Variants in TSNARE1 observed in about 807,000 individuals in gnomAD.
TSNARE1 encodes t-SNARE domain containing 1.
A neutral mutation model predicts 62.0 loss-of-function variants in TSNARE1; 49 were observed. The ratio of observed to expected loss-of-function variants is 0.79; its 90% CI spans 0.63 to 1.00. The LOEUF (loss-of-function observed/expected upper bound fraction) is 1.00, where lower values mean the gene tolerates loss of function less well. Ranked by LOEUF, TSNARE1 falls within the 50% of genes least tolerant of loss-of-function variation. TSNARE1 has a pLI of 0.00. For synonymous variants in TSNARE1, 328 were observed against 294.4 expected (o/e 1.11, Z -1.17); for missense variants, 755 against 700.1 (o/e 1.08, Z -0.88).
intron 11 of TSNARE1, among the ~76,000 whole-genome samples, chr8:142,280,791 G>A (rs960206435): frequency 6.6e-6 from 1 of 152,188 alleles, no homozygotes; most frequent in African/African-American, 2.4e-5. Flanking sequence ...CTGACAGTGG[G>A]GAGAAGGGGG....
intron 11 of TSNARE1, among the ~76,000 whole-genome samples, chr8:142,281,968 G>C (rs1216660868): frequency 6.6e-6 from 1 of 152,216 alleles, no homozygotes; most frequent in Non-Finnish European, 1.5e-5. Context: ...AGAGGCAAGG[G>C]ACAAGACTGT....
chr8:142,344,492 CG>C lies in TSNARE1; in HGVS notation c.239-21del. 1 of 1,504,658 alleles carries C rather than the reference CG, an allele frequency of 6.6e-7. No homozygotes were observed. Among genetic ancestry groups the C allele is most frequent in the Non-Finnish European group, 8.8e-7 (1 of 1,133,276 alleles). The allele number at this position is 1,504,658 out of a possible 1,614,324, so 93.2% of individuals were successfully genotyped here. A position where few individuals can be genotyped will look rare whatever the true frequency, so the allele number is the denominator to read the frequency against. On this transcript the variant is annotated intron_variant, in intron 3 of 13. Coordinates refer to ENST00000524325, the MANE Select transcript of TSNARE1 (RefSeq NM_145003.5). ...CAGGCCCTGGAAAGGCACCAAAAGGCGGATGTTTAAGGCCCTGGGCCTGTGG... is the reference window on the plus strand; with the variant it reads ...CAGGCCCTGGAAAGGCACCAAAAGGCGATGTTTAAGGCCCTGGGCCTGTGG...
chr8:142,352,186 C>G (rs1167880889), intron 2 of TSNARE1, among the ~76,000 whole-genome samples: 7 of 152,222 alleles, frequency 4.6e-5, no homozygotes, highest in Non-Finnish European at 1.5e-5. Flanking sequence ...AGGAGGGAAG[C>G]CTGTGAACCC....
In TSNARE1 at chr8:142,279,985, C is replaced by A. The variant is rs543914565; in HGVS notation, c.1363+4428G>T. The A allele has an allele frequency of 7.0e-5, 80 of 1,149,538 alleles. No homozygotes were observed. The African/African-American group carries it at 1.3e-3, about 19-fold the overall frequency. 71.2% of individuals were successfully genotyped at this position (1,149,538 alleles called of 1,614,324 possible). ...GGGGCCGCCCTCCGCCAGCTTCTTGCGCACAGCACCTCGCAGGTCCCGCCA... is the reference window on the plus strand; with the variant it reads ...GGGGCCGCCCTCCGCCAGCTTCTTGAGCACAGCACCTCGCAGGTCCCGCCA... On this transcript the variant is annotated intron_variant, in intron 11 of 13. Coordinates refer to ENST00000524325, the MANE Select transcript of TSNARE1 (RefSeq NM_145003.5).
intron 2 of TSNARE1, 44 bp downstream of exon 2, chr8:142,354,593 A>G (rs2130759583): frequency 1.4e-6 from 2 of 1,408,126 alleles, no homozygotes; most frequent in Non-Finnish European, 2.0e-6. Context: ...CCTACCCACT[A>G]CCATCCCCTC....
chr8:142,322,519 G>T (rs1442347036), intron 6 of TSNARE1, among the ~76,000 whole-genome samples: 1 of 152,196 alleles, frequency 6.6e-6, no homozygotes, highest in African/African-American at 2.4e-5. Context: ...AAAATCCCAA[G>T]GAATCCACAA....
At chr8:142,360,566 C>T (rs1305586282) in intron 1 of TSNARE1, among the ~76,000 whole-genome samples, 8 of 152,162 alleles carry the variant, frequency 5.3e-5, no homozygotes, top group Admixed American at 2.0e-4. Context: ...GAGCTGCTTC[C>T]GTGCCCGCCG....
chr8:142,237,810 A>G (rs535910442), intron 12 of TSNARE1, among the ~76,000 whole-genome samples: 2 of 152,260 alleles, frequency 1.3e-5, no homozygotes, highest in South Asian at 4.1e-4. Flanking sequence ...CTCTCTCCCG[A>G]ACCATGCTTG....
In TSNARE1 at chr8:142,291,102, C is replaced by T; in HGVS notation, c.1291-6617G>A. 6.6e-6 allele frequency among the ~76,000 whole-genome samples: 1 copy of T among 152,102 alleles called. No homozygotes were observed. The highest frequency in any genetic ancestry group is 1.9e-4 in the East Asian group (1 of 5,140). ...GAATTGCTGCTCGCCACCCGCTGCT[C>T]AGGACTGGTGTCCTCAGCTGGGGAT... On this transcript the variant is annotated intron_variant, in intron 10 of 13. Coordinates refer to ENST00000524325, the MANE Select transcript of TSNARE1 (RefSeq NM_145003.5). This position sits in a 1 kb window ranked among gnomAD's most constrained non-coding sequence, Gnocchi z 4.8.
rs374325694 is a variant in TSNARE1 at position 142,305,030 on chromosome 8, C to T, written c.1132-4386G>A. On this transcript the variant is annotated intron_variant, in intron 9 of 13. Coordinates refer to ENST00000524325, the MANE Select transcript of TSNARE1 (RefSeq NM_145003.5). ...GCAGCCCGGCTGGTGTGCCCGAGGA[C>T]GGAGATGTAGGAGCCTGCCCTCGGC... 7.9e-5 allele frequency among the ~76,000 whole-genome samples: 12 copies of T among 152,290 alleles called. No homozygotes were observed. In the East Asian group the frequency reaches 1.9e-3, roughly 25 times the overall value.
intron 1 of TSNARE1, among the ~76,000 whole-genome samples, chr8:142,395,099 G>A (rs942389797): frequency 2.0e-5 from 3 of 151,822 alleles, no homozygotes; most frequent in East Asian, 3.9e-4. Context: ...GGGCGGCCCC[G>A]TGCATCAAAG....
In TSNARE1 at chr8:142,319,798, A is replaced by C. The variant is rs1829194321; in HGVS notation, c.894-1164T>G. Among the ~76,000 whole-genome samples, 1 of 152,132 alleles carries C rather than the reference A, an allele frequency of 6.6e-6. No homozygotes were observed. Among genetic ancestry groups the C allele is most frequent in the Non-Finnish European group, 1.5e-5 (1 of 68,014 alleles). On this transcript the variant is annotated intron_variant, in intron 6 of 13. Transcript: ENST00000524325. The surrounding 1 kb of genome is among the most constrained non-coding windows in gnomAD (Gnocchi z 4.9). ...CACAGAGGAGTAAGACTGCCCCCCC[A>C]GAACAGGCACCCAGCAGGCTAGAGA... is the stretch of plus-strand genomic sequence containing the variant.
intron 13 of TSNARE1, among the ~76,000 whole-genome samples, chr8:142,213,570 G>C (rs73362742): frequency 0.043 from 6,527 of 152,300 alleles, 492 homozygotes; most frequent in African/African-American, 0.15. Context: ...GCTGGAGACA[G>C]GGCTGTGGGC....
intron 13 of TSNARE1, among the ~76,000 whole-genome samples, chr8:142,223,260 T>TCATTCATC (rs1404690346): frequency 2.8e-4 from 18 of 63,498 alleles, no homozygotes; most frequent in Admixed American, 8.4e-4. Context: ...ACTCATTCAC[T>TCATTCATC]CACTCACTCA....
chr8:142,359,948 G>C (rs36117364), intron 1 of TSNARE1, among the ~76,000 whole-genome samples: 1 of 152,058 alleles, frequency 6.6e-6, no homozygotes, highest in African/African-American at 2.4e-5. Flanking sequence ...ATGCTGGCTC[G>C]CTCGGATGGG....
chr8:142,303,719 G>C (rs778291891), intron 9 of TSNARE1, among the ~76,000 whole-genome samples: 1 of 152,236 alleles, frequency 6.6e-6, no homozygotes, highest in Non-Finnish European at 1.5e-5. Context: ...GCGAGGCTAG[G>C]AGGGCTGTAT....
chr8:142,273,775 C>CA (rs1819978478), intron 12 of TSNARE1: 1 of 985,280 alleles, frequency 1.0e-6, no homozygotes, highest in Non-Finnish European at 1.2e-6. Flanking sequence ...TCCACCCAGT[C>CA]AGGCCCCTGC....
At chr8:142,277,669 C>T in intron 11 of TSNARE1, 3 of 985,438 alleles carry the variant, frequency 3.0e-6, no homozygotes, top group Non-Finnish European at 3.6e-6. Flanking sequence ...AGCAGCAGGG[C>T]AGGCCACTCA....
chr8:142,311,378 G>A (rs1276818261), intron 9 of TSNARE1, among the ~76,000 whole-genome samples: 2 of 140,156 alleles, frequency 1.4e-5, no homozygotes, highest in African/African-American at 2.7e-5. Flanking sequence ...GCTCACCACA[G>A]CCTCTGCCTC....
Sources: gnomAD v4.1 joint callset for allele counts (sites outside exome capture counted in the v4.1 genomes callset) on GRCh38, gnomAD v4.1.1 for gene constraint, Gnocchi (gnomAD v3.1) non-coding constraint, MANE v1.5 for transcripts, NCBI Gene and HGNC (gene_info 2026-07-23, HGNC 2026-07-21) for gene names.